PTCHD4: variants seen among roughly 807,000 people sequenced by gnomAD.
PTCHD4 encodes patched domain containing 4.
A neutral mutation model predicts 58.1 loss-of-function variants in PTCHD4; 33 were observed. The observed-to-expected ratio is 0.57, with a 90% CI of 0.43 to 0.76. PTCHD4 has a LOEUF of 0.76. Among genes scored for constraint, PTCHD4 ranks in the 30% least tolerant of loss-of-function variants. PTCHD4 has a pLI of 0.00. For synonymous variants in PTCHD4, 478 were observed against 409.6 expected, an observed-to-expected ratio of 1.17 and a Z score of -2.02; for missense variants, 1,058 against 1,027.1, an observed-to-expected ratio of 1.03 and a Z score of -0.41.
chr6:48,042,221 G>A (rs138492090), intron 3 of PTCHD4, among the ~76,000 whole-genome samples: 51 of 151,960 alleles, frequency 3.4e-4, no homozygotes, highest in African/African-American at 1.2e-3. Context: ...CACCACTCAC[G>A]TTGAGCAATT....
intron 3 of PTCHD4, among the ~76,000 whole-genome samples, chr6:48,044,101 G>A (rs1300407592): frequency 6.6e-6 from 1 of 151,740 alleles, no homozygotes. Context: ...GTTGTTGAAA[G>A]CTGCTGTTTT....
chr6:47,970,242 T>C (rs183382526), intron 4 of PTCHD4, among the ~76,000 whole-genome samples: 1 of 152,064 alleles, frequency 6.6e-6, no homozygotes, highest in Admixed American at 6.6e-5. Flanking sequence ...CCCATGAAGA[T>C]AATGTAGCTT....
chr6:47,884,873 A>G (rs538663018), intron 4 of PTCHD4, among the ~76,000 whole-genome samples: 62 of 152,212 alleles, frequency 4.1e-4, no homozygotes, highest in Non-Finnish European at 6.6e-4. Context: ...GTTTAGGCTG[A>G]TGGGATAACA....
chr6:47,923,957 C>T (rs1765513803), intron 4 of PTCHD4, among the ~76,000 whole-genome samples: 1 of 152,144 alleles, frequency 6.6e-6, no homozygotes, highest in East Asian at 1.9e-4. Context: ...GCTAACATCA[C>T]TCACAAAATA....
At chr6:48,066,505 T>C (rs960540661) in intron 3 of PTCHD4, among the ~76,000 whole-genome samples, 1 of 152,198 alleles carries the variant, frequency 6.6e-6, no homozygotes. Flanking sequence ...GTGTTTGGTA[T>C]AGGAAATAAC....
intron 4 of PTCHD4, among the ~76,000 whole-genome samples, chr6:48,006,649 G>T (rs1762449768): frequency 6.6e-6 from 1 of 152,056 alleles, no homozygotes; most frequent in Non-Finnish European, 1.5e-5. Context: ...TTTTTTTATA[G>T]AATAAGTTCT....
At chr6:48,097,534 A>T (rs897596971) in intron 1 of PTCHD4, among the ~76,000 whole-genome samples, 1 of 152,184 alleles carries the variant, frequency 6.6e-6, no homozygotes, top group Non-Finnish European at 1.5e-5. Flanking sequence ...ACAGTCAATA[A>T]TAGAGTAAGA....
intron 3 of PTCHD4, among the ~76,000 whole-genome samples, chr6:48,043,907 T>C (rs1345550542): frequency 6.6e-6 from 1 of 151,830 alleles, no homozygotes; most frequent in African/African-American, 2.4e-5. Context: ...GTTTAGACCC[T>C]TGATCCAAAA....
At chr6:48,042,040 A>G (rs1484982167) in intron 3 of PTCHD4, among the ~76,000 whole-genome samples, 1 of 151,900 alleles carries the variant, frequency 6.6e-6, no homozygotes, top group Admixed American at 6.6e-5. Flanking sequence ...AACTGCAGAA[A>G]ACAAACAGAC....
chr6:47,864,076 G>C lies in PTCHD4; in HGVS notation c.*14227C>G, dbSNP rs759820999. ...ATGTCTGTTGCTGTTCACAAACTTAGATTTCAGAGATTTTCAAAGTCCAAG... is the reference window on the plus strand; with the variant it reads ...ATGTCTGTTGCTGTTCACAAACTTACATTTCAGAGATTTTCAAAGTCCAAG... On this transcript the variant is annotated 3_prime_UTR_variant, in exon 5 of 5. Transcript: ENST00000339488. Among the ~76,000 whole-genome samples, 3 of 151,910 alleles carry C rather than the reference G, an allele frequency of 2.0e-5. No individual in the cohort carries two copies. Among genetic ancestry groups the C allele is most frequent in the Non-Finnish European group, 2.9e-5 (2 of 67,912 alleles).
chr6:47,998,298 T>C (rs1241848046), intron 4 of PTCHD4, among the ~76,000 whole-genome samples: 1 of 152,196 alleles, frequency 6.6e-6, no homozygotes, highest in African/African-American at 2.4e-5. Context: ...GTCACTCCCA[T>C]GTCCCTCCCT....
At chr6:48,030,912 A>T (rs1306478349) in intron 3 of PTCHD4, among the ~76,000 whole-genome samples, 5 of 152,042 alleles carry the variant, frequency 3.3e-5, no homozygotes, top group Non-Finnish European at 7.4e-5. Flanking sequence ...AATATTCTCT[A>T]TTACGAAGTC....
At chr6:47,929,593 C>A (rs1328236530) in intron 4 of PTCHD4, among the ~76,000 whole-genome samples, 1 of 152,192 alleles carries the variant, frequency 6.6e-6, no homozygotes, top group East Asian at 1.9e-4. Flanking sequence ...GTTTGTGACA[C>A]TACAGTGCCA....
chr6:47,939,295 G>C (rs1303435103), intron 4 of PTCHD4, among the ~76,000 whole-genome samples: 1 of 151,292 alleles, frequency 6.6e-6, no homozygotes, highest in Non-Finnish European at 1.5e-5. Flanking sequence ...TAATTCAGTT[G>C]GTCTGGAGAG....
chr6:47,886,931 A>C (rs1156343489), intron 4 of PTCHD4, among the ~76,000 whole-genome samples: 6 of 152,214 alleles, frequency 3.9e-5, no homozygotes, highest in Non-Finnish European at 7.3e-5. Flanking sequence ...CCCAAATCAC[A>C]GTACTTACTA....
chr6:47,943,035 A>C (rs1766292703), intron 4 of PTCHD4, among the ~76,000 whole-genome samples: 1 of 152,168 alleles, frequency 6.6e-6, no homozygotes, highest in African/African-American at 2.4e-5. Flanking sequence ...TGTTCTAGTT[A>C]ATTAGTCTAT....
At chr6:47,977,018 C>A (rs1308216369) in intron 4 of PTCHD4, among the ~76,000 whole-genome samples, 1 of 152,096 alleles carries the variant, frequency 6.6e-6, no homozygotes, top group East Asian at 1.9e-4. Flanking sequence ...AGCATGTATT[C>A]TGTGGCTTAG....
chr6:48,089,145 G>C (rs559084021), intron 1 of PTCHD4, among the ~76,000 whole-genome samples: 171 of 152,312 alleles, frequency 1.1e-3, no homozygotes, highest in Non-Finnish European at 1.9e-3. Context: ...ATAATGGAGT[G>C]AGATCAGTAG....
intron 1 of PTCHD4, among the ~76,000 whole-genome samples, chr6:48,075,693 A>G (rs1288769561): frequency 6.6e-6 from 1 of 152,238 alleles, no homozygotes; most frequent in East Asian, 1.9e-4. Flanking sequence ...TCTTTATGCC[A>G]TACCATAGCC....
Sources: gnomAD v4.1 joint callset for allele counts (sites outside exome capture counted in the v4.1 genomes callset) on GRCh38, gnomAD v4.1.1 for gene constraint, MANE v1.5 for transcripts, NCBI Gene and HGNC (gene_info 2026-07-23, HGNC 2026-07-21) for gene names.